Variants in SNX25 observed in about 807,000 individuals in gnomAD.
The protein encoded by SNX25 is sorting nexin-25.
Under a neutral mutation model 113.7 loss-of-function variants are expected in SNX25, and 62 were observed. That is an observed-to-expected ratio of 0.55 (90% CI 0.44 to 0.67). The LOEUF (loss-of-function observed/expected upper bound fraction) is 0.67. Among genes scored for constraint, SNX25 ranks in the 30% least tolerant of loss-of-function variants. The pLI is 0.00. For missense variants in SNX25, 1,014 were observed against 1,161.0 expected (o/e 0.87, Z 1.84); for synonymous variants, 421 against 436.2 (o/e 0.97, Z 0.43).
At chr4:185,230,710 A>G (rs114881812) in intron 1 of SNX25, among the ~76,000 whole-genome samples, 1,564 of 152,262 alleles carry the variant, frequency 0.01, 17 homozygotes, top group Middle Eastern at 0.054. Context: ...AGGGATCATA[A>G]TCTTTATCAT....
At position 185,277,813 on chromosome 4, in the gene SNX25, A is replaced by C. The variant is rs1356951458; in HGVS notation, c.1092-10199A>C. Among the ~76,000 whole-genome samples the C allele has an allele frequency of 4.8e-5, 2 of 41,992 alleles. 1 individual carries two copies. Among genetic ancestry groups the C allele is most frequent in the Non-Finnish European group, 9.6e-5 (2 of 20,906 alleles). The allele number at this position is 41,992 out of a possible 152,430, so 27.5% of individuals were successfully genotyped here. On this transcript the variant is annotated intron_variant, in intron 5 of 18. Coordinates refer to ENST00000652585, the MANE Select transcript of SNX25 (RefSeq NM_001378034.2). ...AGTGGCGGGATCTCGGCTCACTGCA[A>C]GCTCCGCCTCCCGGGTTCACGCCAT...
intron 13 of SNX25, among the ~76,000 whole-genome samples, chr4:185,351,117 G>C (rs768411967): frequency 6.6e-6 from 1 of 152,220 alleles, no homozygotes; most frequent in African/African-American, 2.4e-5. Flanking sequence ...AAAAGTGGTA[G>C]CGCCTGGGAT....
rs1161624156 is a variant in SNX25 at position 185,334,637 on chromosome 4, T to C, written c.1914+1878T>C. On this transcript the variant is annotated intron_variant, in intron 10 of 18. Coordinates refer to ENST00000652585, the MANE Select transcript of SNX25 (RefSeq NM_001378034.2). This position sits in a 1 kb window ranked among gnomAD's most constrained non-coding sequence, Gnocchi z 4.2. ...CTCATTATAAATTAAAATGCATCTA[T>C]GGGTAACAGTATGAAAGATGAGTTA... is the stretch of plus-strand genomic sequence containing the variant. 2.0e-5 allele frequency among the ~76,000 whole-genome samples: 3 copies of C among 152,254 alleles called. No homozygotes were observed. The highest frequency in any genetic ancestry group is 4.8e-5 in the African/African-American group (2 of 41,472).
downstream of SNX25, chr4:185,367,224 A>G (rs770391653): frequency 1.9e-6 from 3 of 1,612,620 alleles, no homozygotes; most frequent in Non-Finnish European, 2.5e-6. Context: ...TCATCTGCCA[A>G]TGCGGGATTC....
intron 15 of SNX25, among the ~76,000 whole-genome samples, chr4:185,354,885 A>T (rs901314779): frequency 3.9e-5 from 6 of 152,208 alleles, no homozygotes; most frequent in Non-Finnish European, 7.4e-5. Context: ...GAGGAAGCAA[A>T]TGAGAAGAGC....
intron 5 of SNX25, among the ~76,000 whole-genome samples, chr4:185,281,422 C>T (rs1433429299): frequency 6.6e-6 from 1 of 152,090 alleles, no homozygotes; most frequent in African/African-American, 2.4e-5. Flanking sequence ...TCTTATTACT[C>T]TTTTCTATAA....
chr4:185,268,809 A>G (rs1748506114), intron 5 of SNX25, among the ~76,000 whole-genome samples: 1 of 152,236 alleles, frequency 6.6e-6, no homozygotes. Context: ...TCACAAATAC[A>G]TAATGACAGC....
intron 3 of SNX25, among the ~76,000 whole-genome samples, chr4:185,261,295 G>GC (rs1747310584): frequency 6.6e-6 from 1 of 152,032 alleles, no homozygotes; most frequent in African/African-American, 2.4e-5. Flanking sequence ...TTGTGCCTTA[G>GC]CCCCCTGAGT....
chr4:185,314,067 T>C (rs2095051244), intron 7 of SNX25, among the ~76,000 whole-genome samples: 1 of 152,050 alleles, frequency 6.6e-6, no homozygotes, highest in Non-Finnish European at 1.5e-5. Flanking sequence ...GGGCGGCAGA[T>C]GTGGAAGAAA....
intron 14 of SNX25, chr4:185,353,193 T>C (rs1340726447): frequency 4.2e-6 from 1 of 237,052 alleles, no homozygotes; most frequent in Admixed American, 5.4e-5. Flanking sequence ...AGCCTTAGTT[T>C]TGAAATTCAA....
chr4:185,257,288 T>A (rs1746595959), intron 2 of SNX25, among the ~76,000 whole-genome samples: 1 of 151,898 alleles, frequency 6.6e-6, no homozygotes, highest in African/African-American at 2.4e-5. Context: ...CTTGGGGCCC[T>A]GTGGGGAGTC....
At chr4:185,281,483 T>C (rs1414954009) in intron 5 of SNX25, among the ~76,000 whole-genome samples, 2 of 152,162 alleles carry the variant, frequency 1.3e-5, no homozygotes, top group East Asian at 1.9e-4. Context: ...CAGGATGACA[T>C]AGTGTGTGTT....
At chr4:185,242,174 A>G (rs185685045) in intron 1 of SNX25, among the ~76,000 whole-genome samples, 1 of 152,336 alleles carries the variant, frequency 6.6e-6, no homozygotes, top group African/African-American at 2.4e-5. Flanking sequence ...ATGTGTACAG[A>G]AAACTTTTTC....
intron 2 of SNX25, among the ~76,000 whole-genome samples, chr4:185,253,669 A>G (rs1489965611): frequency 2.6e-5 from 4 of 152,100 alleles, no homozygotes; most frequent in Non-Finnish European, 5.9e-5. Flanking sequence ...GGGTTTCACC[A>G]TGTTGGCCAG....
intron 10 of SNX25, among the ~76,000 whole-genome samples, chr4:185,336,443 A>T (rs1345049752): frequency 6.6e-6 from 1 of 152,108 alleles, no homozygotes; most frequent in Non-Finnish European, 1.5e-5. Context: ...TTCCTGAGTT[A>T]CTCCACTTAG....
intron 6 of SNX25, among the ~76,000 whole-genome samples, chr4:185,295,206 A>T (rs967051853): frequency 2.0e-5 from 3 of 152,222 alleles, no homozygotes; most frequent in Non-Finnish European, 2.9e-5. Flanking sequence ...AGTGAAAATC[A>T]GACAAAGAAC....
chr4:185,240,777 C>T (rs1359943926), intron 1 of SNX25, among the ~76,000 whole-genome samples: 28 of 151,102 alleles, frequency 1.9e-4, no homozygotes, highest in African/African-American at 6.6e-4. Context: ...GGCTGCCGAG[C>T]GGAGGGGCTC....
chr4:185,224,716 G>C (rs1740707108), intron 1 of SNX25, among the ~76,000 whole-genome samples: 1 of 150,380 alleles, frequency 6.6e-6, no homozygotes, highest in African/African-American at 2.4e-5. Context: ...TATTTGATGG[G>C]TTTCAATAAG....
At chr4:185,317,594 G>A (rs1196774048) in intron 7 of SNX25, among the ~76,000 whole-genome samples, 2 of 152,144 alleles carry the variant, frequency 1.3e-5, no homozygotes, top group Non-Finnish European at 2.9e-5. Context: ...ATGATAGACT[G>A]GAAGAAGAAA....
Sources: allele counts gnomAD v4.1 joint callset (sites outside exome capture counted in the v4.1 genomes callset), GRCh38; gene constraint gnomAD v4.1.1; non-coding constraint Gnocchi (gnomAD v3.1); transcripts MANE v1.5; gene names NCBI Gene and HGNC (gene_info 2026-07-23, HGNC 2026-07-21).